The following LDB2 variants were observed in gnomAD, a reference collection of about 807,000 sequenced individuals.
The protein encoded by LDB2 is LIM domain binding 2.
LDB2 carries 12 observed loss-of-function variants against 44.3 expected under a neutral mutation model. The ratio of observed to expected loss-of-function variants is 0.27; its 90% confidence interval spans 0.17 to 0.44. The LOEUF (loss-of-function observed/expected upper bound fraction) is 0.44, where lower values mean the gene tolerates loss of function less well. Among genes scored for constraint, LDB2 ranks in the 20% least tolerant of loss-of-function variants. LDB2 has a pLI of 1.00. For synonymous variants in LDB2, 164 were observed against 174.8 expected (o/e 0.94, Z 0.49); for missense variants, 344 against 473.5 (o/e 0.73, Z 2.54).
chr4:16,822,111 T>TAAA (rs34620323), intron 1 of LDB2, among the ~76,000 whole-genome samples: 1 of 147,030 alleles, frequency 6.8e-6, no homozygotes, highest in East Asian at 2.0e-4. Flanking sequence ...CTAGGATTGT[T>TAAA]AAAAAAAAAA....
chr4:16,742,943 C>A (rs980964504), intron 2 of LDB2, among the ~76,000 whole-genome samples: 1 of 152,136 alleles, frequency 6.6e-6, no homozygotes, highest in African/African-American at 2.4e-5. Context: ...ACCCCTACAG[C>A]AGGAAATGAC....
intron 1 of LDB2, among the ~76,000 whole-genome samples, chr4:16,832,423 T>C (rs1215135071): frequency 6.6e-6 from 1 of 152,230 alleles, no homozygotes. Flanking sequence ...CCTTTGATAT[T>C]GTTATCTGGC....
intron 1 of LDB2, among the ~76,000 whole-genome samples, chr4:16,882,287 A>G (rs1235564122): frequency 5.9e-5 from 9 of 152,252 alleles, no homozygotes; most frequent in African/African-American, 2.2e-4. Context: ...ATGCAATTCC[A>G]TCCTAGACAA....
chr4:16,860,911 G>A (rs938730108), intron 1 of LDB2, among the ~76,000 whole-genome samples: 23 of 125,848 alleles, frequency 1.8e-4, no homozygotes, highest in Admixed American at 1.8e-3. Context: ...CATTCCTACA[G>A]CTATAAAAAA....
chr4:16,546,515 T>G (rs193114003), intron 5 of LDB2, among the ~76,000 whole-genome samples: 28 of 152,326 alleles, frequency 1.8e-4, no homozygotes, highest in African/African-American at 6.7e-4. Flanking sequence ...TCTGGAAACA[T>G]AAAAGTATGA....
intron 1 of LDB2, among the ~76,000 whole-genome samples, chr4:16,766,423 T>C (rs1006902436): frequency 6.6e-6 from 1 of 150,982 alleles, no homozygotes; most frequent in African/African-American, 2.4e-5. Flanking sequence ...TATATGTCTA[T>C]ATATAAATGT....
chr4:16,610,733 G>A (rs1388339966), intron 2 of LDB2, among the ~76,000 whole-genome samples: 6 of 152,082 alleles, frequency 3.9e-5, no homozygotes, highest in Non-Finnish European at 7.4e-5. Context: ...CCGAACCTAC[G>A]ATTGACTGGA....
intron 2 of LDB2, among the ~76,000 whole-genome samples, chr4:16,678,569 C>T (rs1253838924): frequency 2.6e-5 from 4 of 152,184 alleles, no homozygotes; most frequent in South Asian, 4.2e-4. Flanking sequence ...ACTCTTGGGC[C>T]CCCTCCACAC....
intron 1 of LDB2, among the ~76,000 whole-genome samples, chr4:16,805,321 T>A (rs1225907409): frequency 2.0e-5 from 3 of 152,230 alleles, no homozygotes; most frequent in African/African-American, 7.2e-5. Context: ...GCTGGGTAAG[T>A]CAACAAACTC....
intron 2 of LDB2, among the ~76,000 whole-genome samples, chr4:16,652,869 C>G (rs987167410): frequency 6.6e-6 from 1 of 152,004 alleles, no homozygotes; most frequent in African/African-American, 2.4e-5. Context: ...GTGAAGGGAA[C>G]ACTCAGGAGG....
intron 1 of LDB2, among the ~76,000 whole-genome samples, chr4:16,811,367 A>G (rs1779834976): frequency 6.6e-6 from 1 of 152,202 alleles, no homozygotes; most frequent in African/African-American, 2.4e-5. Flanking sequence ...TTTCTGTCAG[A>G]TTGATTAGGA....
intron 2 of LDB2, among the ~76,000 whole-genome samples, chr4:16,685,908 TG>T (rs1235480665): frequency 2.0e-4 from 31 of 152,074 alleles, no homozygotes; most frequent in Admixed American, 2.0e-3. Flanking sequence ...AAAAAGTAGT[TG>T]GGCATGGTGG....
intron 1 of LDB2, among the ~76,000 whole-genome samples, chr4:16,773,647 C>A (rs892875168): frequency 6.6e-6 from 1 of 152,156 alleles, no homozygotes; most frequent in Non-Finnish European, 1.5e-5. Flanking sequence ...ATTCACTGAC[C>A]TGTCACACCT....
chr4:16,881,740 AT>A (rs1720194910), intron 1 of LDB2, among the ~76,000 whole-genome samples: 3 of 151,206 alleles, frequency 2.0e-5, no homozygotes, highest in South Asian at 4.2e-4. Context: ...AAAAATGATT[AT>A]TTTTGCCACA....
At chr4:16,595,351 T>C (rs1720534332) in intron 3 of LDB2, among the ~76,000 whole-genome samples, 1 of 152,186 alleles carries the variant, frequency 6.6e-6, no homozygotes, top group East Asian at 1.9e-4. Flanking sequence ...TGAAATACAG[T>C]GCTGACCACG....
chr4:16,674,060 A>C, intron 2 of LDB2: 1 of 367,344 alleles, frequency 2.7e-6, no homozygotes. Flanking sequence ...AGTGTTTACC[A>C]AGTGCTCTCT....
At chr4:16,702,870 T>C (rs1308459840) in intron 2 of LDB2, among the ~76,000 whole-genome samples, 1 of 152,192 alleles carries the variant, frequency 6.6e-6, no homozygotes, top group Non-Finnish European at 1.5e-5. Context: ...CATATTGAAT[T>C]GCTTATAGCC....
chr4:16,532,779 T>C (rs1730594095), intron 5 of LDB2, among the ~76,000 whole-genome samples: 1 of 152,184 alleles, frequency 6.6e-6, no homozygotes, highest in Non-Finnish European at 1.5e-5. Flanking sequence ...CAGGAAATCA[T>C]CTACTGTGGT....
intron 2 of LDB2, among the ~76,000 whole-genome samples, chr4:16,741,113 A>G (rs1410788030): frequency 6.6e-6 from 1 of 152,224 alleles, no homozygotes; most frequent in Non-Finnish European, 1.5e-5. Flanking sequence ...TATACACAGA[A>G]TTCTGGGATG....
Sources: allele counts gnomAD v4.1 joint callset (sites outside exome capture counted in the v4.1 genomes callset), GRCh38; gene constraint gnomAD v4.1.1; transcripts MANE v1.5; gene names NCBI Gene and HGNC (gene_info 2026-07-23, HGNC 2026-07-21).